Variants in CCT4 observed in about 807,000 individuals in gnomAD.
The protein encoded by CCT4 is chaperonin containing TCP1 subunit 4, also known as T-complex protein 1 subunit delta.
CCT4 carries 17 observed loss-of-function variants against 62.5 expected under a neutral mutation model. The observed-to-expected ratio is 0.27, with a 90% CI of 0.19 to 0.41. The LOEUF is 0.41. Among genes scored for constraint, CCT4 ranks in the 10% least tolerant of loss-of-function variants. The pLI is 1.00. For synonymous variants in CCT4, 250 were observed against 229.9 expected (o/e 1.09, Z -0.79); for missense variants, 592 against 659.2 (o/e 0.90, Z 1.12).
chr2:61,883,558 A>C lies in CCT4; in HGVS notation c.181-10T>G. ...CTTTTCCATCTTGAATCTAGAAAAA[A>C]AATTTTAAAGTTATATTTCAATGTC... On this transcript the variant is annotated splice_polypyrimidine_tract_variant and intron_variant, in intron 2 of 13. Transcript: ENST00000394440. The C allele has an allele frequency of 6.9e-7, 1 of 1,450,588 alleles. No homozygotes were observed. The highest frequency in any genetic ancestry group is 9.5e-7 in the Non-Finnish European group (1 of 1,051,362). 89.9% of individuals were successfully genotyped at this position (1,450,588 alleles called of 1,614,324 possible).
chr2:61,888,286 G>A (rs1022703200), intron 1 of CCT4, 95 bp downstream of exon 1: 65 of 1,422,218 alleles, frequency 4.6e-5, no homozygotes, highest in Admixed American at 9.3e-5. Context: ...AGGATCACCC[G>A]AAGAAATGGG....
intron 8 of CCT4, 96 bp from the exon 9 acceptor site, chr2:61,873,389 C>A (rs541151125): frequency 2.4e-4 from 147 of 620,260 alleles, no homozygotes; most frequent in Non-Finnish European, 3.5e-4. Flanking sequence ...CTTAAATGGC[C>A]AATCATTATT....
intron 6 of CCT4, 94 bp downstream of exon 6, chr2:61,877,299 G>C: frequency 8.0e-7 from 1 of 1,252,140 alleles, no homozygotes; most frequent in African/African-American, 1.5e-5. Context: ...AGAAAAGAGA[G>C]CTTTGTGACT....
chr2:61,883,001 A>T (rs1669151563), intron 3 of CCT4, among the ~76,000 whole-genome samples: 1 of 152,198 alleles, frequency 6.6e-6, no homozygotes, highest in South Asian at 2.1e-4. Context: ...CACACCAAAA[A>T]GCACAATGTT....
chr2:61,872,859 G>A (rs1279322622), intron 10 of CCT4, 143 bp downstream of exon 10: 24 of 681,348 alleles, frequency 3.5e-5, no homozygotes, highest in East Asian at 2.8e-4. Context: ...CCCGGGAGGC[G>A]GAGCTTGTAG....
rs569419736 is a variant in CCT4 at position 61,884,409 on chromosome 2, T to C, written c.180+611A>G. On this transcript the variant is annotated intron_variant, in intron 2 of 13. Coordinates refer to ENST00000394440, the MANE Select transcript of CCT4 (RefSeq NM_006430.4). ...ACCTCTGCCTCCTGGGTTCAAGTGA[T>C]TCTCCTGCCTCAGTCTCCCACCTCC... is the stretch of plus-strand genomic sequence containing the variant. Among the ~76,000 whole-genome samples, 9 of 152,084 alleles carry C rather than the reference T, an allele frequency of 5.9e-5. No homozygotes were observed. In the South Asian group the frequency reaches 1.9e-3, roughly 32 times the overall value.
intron 12 of CCT4, among the ~76,000 whole-genome samples, chr2:61,871,715 TTAGTATATGCCAA>T (rs1221737098): frequency 1.3e-5 from 2 of 152,230 alleles, no homozygotes; most frequent in Non-Finnish European, 2.9e-5. Context: ...TATACAGTCT[TTAGTATATGCCAA>T]GCATCTATCT....
At chr2:61,876,271 G>A in intron 7 of CCT4, 37 bp from the exon 8 acceptor site, 1 of 1,493,356 alleles carries the variant, frequency 6.7e-7, no homozygotes, top group Non-Finnish European at 9.1e-7. Context: ...TGCATTGTAA[G>A]ATATTTTAAG....
chr2:61,878,259 A>G (rs1010611602), intron 5 of CCT4, among the ~76,000 whole-genome samples: 2 of 152,206 alleles, frequency 1.3e-5, no homozygotes, highest in Non-Finnish European at 2.9e-5. Flanking sequence ...AACAAGTGAC[A>G]TGAGTTCCAA....
chr2:61,876,134 GTTTT>G lies in CCT4; in HGVS notation c.874_877del (p.Lys292GlnfsTer13), dbSNP rs1668995364. On this transcript the variant is annotated frameshift_variant, in exon 8 of 14. Coordinates refer to ENST00000394440, the MANE Select transcript of CCT4 (RefSeq NM_006430.4). LOFTEE classifies it high-confidence loss of function. ...CTGTATGAGAAGGACATTACATCCT[GTTTT>G]TTTAATTTGCTTCACTAAATTTAAA... The G allele has an allele frequency of 6.2e-7, 1 of 1,604,426 alleles. No individual in the cohort carries two copies. Among genetic ancestry groups the G allele is most frequent in the African/African-American group, 1.3e-5 (1 of 74,692 alleles).
At chr2:61,871,524 CAGAT>C (rs1303061556) in intron 12 of CCT4, among the ~76,000 whole-genome samples, 1 of 152,186 alleles carries the variant, frequency 6.6e-6, no homozygotes, top group Non-Finnish European at 1.5e-5. Flanking sequence ...CTTCCCTAAA[CAGAT>C]AGTTCCATCA....
At chr2:61,877,254 C>T (rs1203009922) in intron 6 of CCT4, 139 bp downstream of exon 6, 2 of 956,608 alleles carry the variant, frequency 2.1e-6, no homozygotes, top group East Asian at 2.6e-5. Flanking sequence ...GATGCCCATA[C>T]TAATACAAAT....
At chr2:61,874,041 CTTA>C (rs1279778089) in intron 8 of CCT4, among the ~76,000 whole-genome samples, 1 of 152,134 alleles carries the variant, frequency 6.6e-6, no homozygotes, top group Non-Finnish European at 1.5e-5. Flanking sequence ...GAAGTGAAAC[CTTA>C]TTAATACTTC....
chr2:61,883,815 CAAAA>C (rs899283998), intron 2 of CCT4, among the ~76,000 whole-genome samples: 4 of 142,286 alleles, frequency 2.8e-5, no homozygotes, highest in African/African-American at 1.1e-4. Flanking sequence ...CACACACACA[CAAAA>C]GGAAAAATAT....
chr2:61,882,241 ATTTC>A (rs562220792), intron 3 of CCT4, among the ~76,000 whole-genome samples: 150 of 152,118 alleles, frequency 9.9e-4, no homozygotes, highest in South Asian at 7.1e-3. Flanking sequence ...ACTGATAGAA[ATTTC>A]TTTCTAATGA....
Position 61,869,421 on chromosome 2 carries a change from G to A in CCT4, c.1605+19C>T, listed in dbSNP as rs1392104837. 2 of 1,424,474 alleles carry A rather than the reference G, an allele frequency of 1.4e-6. No individual in the cohort carries two copies. Among genetic ancestry groups the A allele is most frequent in the Non-Finnish European group, 2.0e-6 (2 of 1,010,670 alleles). 88.2% of individuals were successfully genotyped at this position (1,424,474 alleles called of 1,614,324 possible). On this transcript the variant is annotated intron_variant, in intron 13 of 13. Coordinates refer to ENST00000394440, the MANE Select transcript of CCT4 (RefSeq NM_006430.4). Reference sequence around the variant, plus strand: ...CCTTTTTGACCTCCTAAGAAAATTTGCAACCTGGAAACACTTACCACATCA... The same window carrying A: ...CCTTTTTGACCTCCTAAGAAAATTTACAACCTGGAAACACTTACCACATCA...
Position 61,873,047 on chromosome 2 carries a change from C to T in CCT4, c.1080G>A (p.Glu360=). The T allele has an allele frequency of 6.2e-7, 1 of 1,613,150 alleles. No homozygotes were observed. The highest frequency in any genetic ancestry group is 8.5e-7 in the Non-Finnish European group (1 of 1,179,084). The change falls in exon 10 of 14, where the codon GAG becomes GAA. Residue 360 remains glutamate, a synonymous_variant. Transcript: ENST00000394440. ...CATTTAAATTGACCTCCTCAGCTAA[C>T]TCAGCAGAACCCAGCATGTCAGCAG... ...QFTADMLGSA[E]LAEEVNLNGS... is the part of the protein sequence containing the mutation.
intron 4 of CCT4, 105 bp from the exon 5 acceptor site, chr2:61,879,116 T>C (rs1211032962): frequency 3.8e-5 from 28 of 741,398 alleles, no homozygotes. Flanking sequence ...CAAATTTAAC[T>C]ATTCTTAATT....
At chr2:61,870,916 CCAAAGAAAAAA>C (rs1668870499) in intron 12 of CCT4, among the ~76,000 whole-genome samples, 1 of 151,526 alleles carries the variant, frequency 6.6e-6, no homozygotes, top group Non-Finnish European at 1.5e-5. Flanking sequence ...GATTCCGTCT[CCAAAGAAAAAA>C]CAAACAAACA....
Sources: gnomAD v4.1 joint callset for allele counts (sites outside exome capture counted in the v4.1 genomes callset) on GRCh38, gnomAD v4.1.1 for gene constraint, MANE v1.5 for transcripts, NCBI Gene and HGNC (gene_info 2026-07-23, HGNC 2026-07-21) for gene names.